The following PLEKHA7 variants were observed in gnomAD, a reference collection of about 807,000 sequenced individuals.
PLEKHA7 encodes the protein pleckstrin homology domain containing A7.
PLEKHA7 carries 104 observed loss-of-function variants against 170.0 expected under a neutral mutation model. That is an observed-to-expected ratio of 0.61 (90% CI 0.52 to 0.72). PLEKHA7 has a LOEUF of 0.72. Among genes scored for constraint, PLEKHA7 ranks in the 30% least tolerant of loss-of-function variants. The pLI, the probability that PLEKHA7 is intolerant of heterozygous loss-of-function variation, is 0.00. For synonymous variants in PLEKHA7, 648 were observed against 660.8 expected (o/e 0.98, Z 0.30); for missense variants, 1,615 against 1,671.7 (o/e 0.97, Z 0.59).
chr11:16,784,891 G>A (rs1183747449), intron 24 of PLEKHA7, among the ~76,000 whole-genome samples: 1 of 152,154 alleles, frequency 6.6e-6, no homozygotes, highest in Non-Finnish European at 1.5e-5. Context: ...CTTTTTCCCT[G>A]GGCTGGCAGG....
At chr11:16,984,085 A>T (rs1052949556) in intron 3 of PLEKHA7, among the ~76,000 whole-genome samples, 1 of 152,006 alleles carries the variant, frequency 6.6e-6, no homozygotes, top group South Asian at 2.1e-4. Flanking sequence ...ATTTTAAAAT[A>T]ATATTATCAT....
At chr11:16,933,288 G>C (rs999489655) in intron 3 of PLEKHA7, among the ~76,000 whole-genome samples, 1 of 152,210 alleles carries the variant, frequency 6.6e-6, no homozygotes, top group African/African-American at 2.4e-5. Context: ...AGTAAGTGGA[G>C]GATCCAGTAT....
rs552153039 is a variant in PLEKHA7, at chr11:16,911,818, T to C, written c.222-40636A>G. On this transcript the variant is annotated intron_variant, in intron 3 of 26. Coordinates refer to ENST00000531066, the MANE Select transcript of PLEKHA7 (RefSeq NM_001329630.2). Reference sequence around the variant, plus strand: ...AAAGTTAATCCAGTCTCTGTGCTGATGAATCAAATAGAGACACACTCATAT... The same window carrying C: ...AAAGTTAATCCAGTCTCTGTGCTGACGAATCAAATAGAGACACACTCATAT... Among the ~76,000 whole-genome samples, 29 of 152,300 alleles carry C rather than the reference T, an allele frequency of 1.9e-4. 1 individual carries two copies. In the South Asian group the frequency reaches 5.6e-3, roughly 29 times the overall value.
Position 16,782,835 on chromosome 11 carries a change from G to C in PLEKHA7, c.3712C>G (p.Gln1238Glu). 1.3e-6 allele frequency: 2 copies of C among 1,536,182 alleles called. No homozygotes were observed. Among genetic ancestry groups the C allele is most frequent in the Middle Eastern group, 1.7e-4 (1 of 5,990 alleles). The change falls in exon 26 of 27, where the codon CAG becomes GAG. Residue 1238 changes from glutamine to glutamate, a missense_variant. Gln to Glu is a conservative substitution (Grantham distance 29). Coordinates refer to ENST00000531066, the MANE Select transcript of PLEKHA7 (RefSeq NM_001329630.2). Reference protein sequence around the residue: ...DQNSVADLDLQLQEQERIINI... With the variant: ...DQNSVADLDLELQEQERIINI... ...ATGATGCGCTCCTGCTCCTGCAGCT[G>C]CAAGTCCAGGTCAGCCACACTGTTC...
At chr11:16,783,278 C>T (rs1295558175) in intron 25 of PLEKHA7, among the ~76,000 whole-genome samples, 1 of 152,214 alleles carries the variant, frequency 6.6e-6, no homozygotes, top group African/African-American at 2.4e-5. Flanking sequence ...GTGGGCAATG[C>T]CTCTGGTGCC....
chr11:16,797,109 A>G (rs1286989441), intron 17 of PLEKHA7, among the ~76,000 whole-genome samples: 1 of 152,226 alleles, frequency 6.6e-6, no homozygotes, highest in African/African-American at 2.4e-5. Flanking sequence ...ATGGGGAAGG[A>G]CCTAGGCTAT....
chr11:16,954,451 T>C (rs1197662487), intron 3 of PLEKHA7, among the ~76,000 whole-genome samples: 1 of 151,970 alleles, frequency 6.6e-6, no homozygotes, highest in Non-Finnish European at 1.5e-5. Context: ...GGAGGACTGC[T>C]TGAGCCCAGG....
At chr11:16,972,655 A>G (rs1188986818) in intron 3 of PLEKHA7, among the ~76,000 whole-genome samples, 1 of 151,988 alleles carries the variant, frequency 6.6e-6, no homozygotes, top group Admixed American at 6.6e-5. Flanking sequence ...TCCTGAGCTC[A>G]AACAATCCTC....
intron 10 of PLEKHA7, among the ~76,000 whole-genome samples, chr11:16,822,982 ATTAT>A (rs147244386): frequency 2.2e-4 from 33 of 150,024 alleles, no homozygotes; most frequent in Admixed American, 1.4e-3. Flanking sequence ...GTATGTATGT[ATTAT>A]TTATTTATTT....
chr11:16,971,742 G>GT (rs1207580126), intron 3 of PLEKHA7, among the ~76,000 whole-genome samples: 1 of 151,958 alleles, frequency 6.6e-6, no homozygotes, highest in Non-Finnish European at 1.5e-5. Context: ...TTCTTTTATA[G>GT]TTTTTTTAAA....
chr11:16,838,895 C>G (rs1220869735), intron 9 of PLEKHA7, among the ~76,000 whole-genome samples: 1 of 151,954 alleles, frequency 6.6e-6, no homozygotes, highest in Non-Finnish European at 1.5e-5. Flanking sequence ...ACCGTGTTAG[C>G]CAGGATGGTC....
In PLEKHA7 at chr11:16,798,122, A is replaced by G. The variant is rs1277316082; in HGVS notation, c.2409+2852T>C. On this transcript the variant is annotated intron_variant, in intron 17 of 26. Transcript: ENST00000531066. ...TGAAAAGGCTATTTTCCTGCAGCCA[A>G]ACCTGACTACAGGGAGGCGAATTTC... Among the ~76,000 whole-genome samples the G allele has an allele frequency of 2.6e-5, 4 of 152,226 alleles. No individual in the cohort carries two copies. The East Asian group carries it at 7.7e-4, about 29-fold the overall frequency.
chr11:16,887,328 C>G (rs1335085285), intron 3 of PLEKHA7, among the ~76,000 whole-genome samples: 1 of 147,352 alleles, frequency 6.8e-6, no homozygotes, highest in African/African-American at 2.5e-5. Flanking sequence ...TCCCTCTCCC[C>G]ACGGTCTCCC....
intron 3 of PLEKHA7, among the ~76,000 whole-genome samples, chr11:16,977,379 G>A (rs565818112): frequency 5.3e-4 from 81 of 152,074 alleles, no homozygotes; most frequent in Middle Eastern, 3.4e-3. Flanking sequence ...TTGCTCACAC[G>A]TCTCCCTCCT....
intron 3 of PLEKHA7, among the ~76,000 whole-genome samples, chr11:16,896,533 C>T (rs908488853): frequency 1.3e-5 from 2 of 152,156 alleles, no homozygotes; most frequent in African/African-American, 4.8e-5. Context: ...CTGGCCCATC[C>T]TCTCCATCCC....
At chr11:16,803,554 A>G (rs1848748254) in intron 13 of PLEKHA7, 1 of 473,384 alleles carries the variant, frequency 2.1e-6, no homozygotes, top group African/African-American at 1.9e-5. Context: ...TGTTCAAGTT[A>G]AAGGATCATC....
At chr11:16,836,803 T>TTG (rs370305650) in intron 9 of PLEKHA7, among the ~76,000 whole-genome samples, 14,597 of 151,910 alleles carry the variant, frequency 0.096, 816 homozygotes, top group East Asian at 0.16. Flanking sequence ...GGGCTTTTTT[T>TTG]TTTTGTTTTT....
rs1185537500 is a variant in PLEKHA7 at position 16,789,585 on chromosome 11, T to C, written c.3156+190A>G. 6 of 631,600 alleles carry C rather than the reference T, an allele frequency of 9.5e-6. No homozygotes were observed. Among genetic ancestry groups the C allele is most frequent in the African/African-American group, 9.2e-5 (5 of 54,374 alleles). 39.1% of individuals were successfully genotyped at this position (631,600 alleles called of 1,614,324 possible). ...CTTCTTGAGCTCCCTCCTGCCACCC[T>C]GACAGGCCAGAGAGAAAGGCAGGAT... is the stretch of plus-strand genomic sequence containing the variant. On this transcript the variant is annotated intron_variant, in intron 22 of 26. Coordinates refer to ENST00000531066, the MANE Select transcript of PLEKHA7 (RefSeq NM_001329630.2). This position sits in a 1 kb window ranked among gnomAD's most constrained non-coding sequence, Gnocchi z 4.6.
intron 3 of PLEKHA7, among the ~76,000 whole-genome samples, chr11:17,010,998 A>G (rs1183980791): frequency 6.6e-6 from 1 of 152,144 alleles, no homozygotes; most frequent in Admixed American, 6.5e-5. Flanking sequence ...ACTGTCACAC[A>G]TTGCTTTTTC....
Sources: allele counts gnomAD v4.1 joint callset (sites outside exome capture counted in the v4.1 genomes callset), GRCh38; gene constraint gnomAD v4.1.1; non-coding constraint Gnocchi (gnomAD v3.1); transcripts MANE v1.5; gene names NCBI Gene and HGNC (gene_info 2026-07-23, HGNC 2026-07-21).